CSMD1: variants seen among roughly 807,000 people sequenced by gnomAD.
The protein encoded by CSMD1 is CUB and sushi domain-containing protein 1.
CSMD1 carries 213 observed loss-of-function variants against 417.5 expected under a neutral mutation model. The ratio of observed to expected loss-of-function variants is 0.51; its 90% CI spans 0.46 to 0.57. The LOEUF is 0.57. CSMD1 is among the 20% of genes least tolerant of loss of function. The pLI is 0.00. For missense variants in CSMD1, 6,923 were observed against 4,529.7 expected, an observed-to-expected ratio of 1.53 and a Z score of -15.17; for synonymous variants, 2,862 against 1,736.8, an observed-to-expected ratio of 1.65 and a Z score of -16.11.
At chr8:4,793,270 T>C (rs1317535143) in intron 1 of CSMD1, among the ~76,000 whole-genome samples, 1 of 152,180 alleles carries the variant, frequency 6.6e-6, no homozygotes, top group Non-Finnish European at 1.5e-5. Flanking sequence ...TCTATGTATT[T>C]GTTTTAGGCT....
chr8:4,458,956 G>C (rs13271708), intron 2 of CSMD1, among the ~76,000 whole-genome samples: 28,046 of 152,120 alleles, frequency 0.18, 3,086 homozygotes, highest in Middle Eastern at 0.29. Context: ...AAACCAACGA[G>C]GAAACATCTA....
chr8:3,275,200 C>A (rs1802185539), intron 26 of CSMD1, among the ~76,000 whole-genome samples: 1 of 152,144 alleles, frequency 6.6e-6, no homozygotes, highest in South Asian at 2.1e-4. Flanking sequence ...CTTAGTTTGG[C>A]TGGATATGAA....
intron 1 of CSMD1, among the ~76,000 whole-genome samples, chr8:4,894,210 C>T (rs913581277): frequency 5.3e-5 from 8 of 152,048 alleles, no homozygotes; most frequent in Non-Finnish European, 1.2e-4. Context: ...TATGCCCAAA[C>T]TTCATCCATT....
intron 5 of CSMD1, among the ~76,000 whole-genome samples, chr8:3,764,962 C>T (rs533992064): frequency 2.6e-5 from 4 of 152,086 alleles, no homozygotes; most frequent in Admixed American, 2.6e-4. Flanking sequence ...CCAGGCTGGT[C>T]TCGAACTCCT....
intron 27 of CSMD1, among the ~76,000 whole-genome samples, chr8:3,227,846 C>A (rs913645564): frequency 1.3e-5 from 2 of 151,580 alleles, no homozygotes; most frequent in East Asian, 1.9e-4. Context: ...TGGCTCACTG[C>A]AACTTCTAGC....
At chr8:4,884,311 C>T (rs899103919) in intron 1 of CSMD1, among the ~76,000 whole-genome samples, 1 of 151,894 alleles carries the variant, frequency 6.6e-6, no homozygotes, top group South Asian at 2.1e-4. Context: ...CAATTTATCT[C>T]CCATTCTGTG....
chr8:4,687,956 A>C (rs559670254), intron 1 of CSMD1, among the ~76,000 whole-genome samples: 2 of 152,078 alleles, frequency 1.3e-5, no homozygotes, highest in South Asian at 4.2e-4. Flanking sequence ...TAGACATTTA[A>C]CTCTATCTGT....
intron 1 of CSMD1, among the ~76,000 whole-genome samples, chr8:4,664,591 T>A (rs996623025): frequency 6.6e-6 from 1 of 152,084 alleles, no homozygotes; most frequent in East Asian, 1.9e-4. Context: ...ATAACAAAAA[T>A]AAATACATTT....
At chr8:4,370,231 G>C (rs1260331319) in intron 3 of CSMD1, among the ~76,000 whole-genome samples, 1 of 152,082 alleles carries the variant, frequency 6.6e-6, no homozygotes, top group Non-Finnish European at 1.5e-5. Context: ...CGAAATTCTT[G>C]TTTGGAATTA....
At chr8:4,674,537 C>G (rs941160370) in intron 1 of CSMD1, among the ~76,000 whole-genome samples, 1 of 152,116 alleles carries the variant, frequency 6.6e-6, no homozygotes, top group Non-Finnish European at 1.5e-5. Flanking sequence ...AGAGGAGCAA[C>G]TTGACCATAA....
chr8:4,600,177 G>A (rs1329226817), intron 2 of CSMD1, among the ~76,000 whole-genome samples: 3 of 152,072 alleles, frequency 2.0e-5, no homozygotes, highest in East Asian at 3.9e-4. Flanking sequence ...CGCAGAACAG[G>A]AGTGCAAATG....
intron 1 of CSMD1, among the ~76,000 whole-genome samples, chr8:4,808,643 A>G (rs1171218850): frequency 6.6e-6 from 1 of 152,230 alleles, no homozygotes; most frequent in Non-Finnish European, 1.5e-5. Context: ...AATCATACCA[A>G]CAGCCTTTGG....
intron 2 of CSMD1, among the ~76,000 whole-genome samples, chr8:4,449,169 C>G (rs1313033767): frequency 6.6e-6 from 1 of 152,136 alleles, no homozygotes; most frequent in Non-Finnish European, 1.5e-5. Context: ...ATATAGATCA[C>G]TCAAAAGCAA....
At chr8:4,671,234 T>C (rs928717499) in intron 1 of CSMD1, among the ~76,000 whole-genome samples, 8 of 152,324 alleles carry the variant, frequency 5.3e-5, no homozygotes, top group African/African-American at 1.2e-4. Context: ...CCTTTTACCA[T>C]TGAAGTCATT....
intron 53 of CSMD1, among the ~76,000 whole-genome samples, chr8:2,998,740 A>G (rs955158150): frequency 1.3e-5 from 2 of 152,238 alleles, no homozygotes; most frequent in South Asian, 2.1e-4. Flanking sequence ...TTTGAAATGC[A>G]GTGAACTGTC....
intron 1 of CSMD1, among the ~76,000 whole-genome samples, chr8:4,689,775 T>C (rs980765683): frequency 4.6e-5 from 7 of 152,134 alleles, no homozygotes; most frequent in Non-Finnish European, 1.0e-4. Flanking sequence ...AAAATGATGG[T>C]GGTTTAGGCT....
intron 3 of CSMD1, among the ~76,000 whole-genome samples, chr8:4,045,631 G>A (rs768643130): frequency 1.3e-5 from 2 of 152,086 alleles, no homozygotes; most frequent in Non-Finnish European, 1.5e-5. Flanking sequence ...ATAGAAAAGG[G>A]GAAATTAGCT....
chr8:3,891,530 A>C (rs73495908), intron 5 of CSMD1, among the ~76,000 whole-genome samples: 9,326 of 151,998 alleles, frequency 0.061, 332 homozygotes, highest in African/African-American at 0.089. Flanking sequence ...CACACACACA[A>C]AAAAAAGCCA....
intron 3 of CSMD1, among the ~76,000 whole-genome samples, chr8:4,372,178 A>T (rs901842244): frequency 1.3e-5 from 2 of 152,092 alleles, no homozygotes; most frequent in Admixed American, 6.6e-5. Context: ...AAAAAGAGAT[A>T]TTTTTTTGTC....
Sources: allele counts gnomAD v4.1 joint callset (sites outside exome capture counted in the v4.1 genomes callset), GRCh38; gene constraint gnomAD v4.1.1; transcripts MANE v1.5; gene names NCBI Gene and HGNC (gene_info 2026-07-23, HGNC 2026-07-21).